Variants in NFIB observed in about 807,000 individuals in gnomAD.
NFIB encodes the protein nuclear factor 1 B-type.
NFIB carries 11 observed loss-of-function variants against 61.5 expected under a neutral mutation model. That is an observed-to-expected ratio of 0.18 (90% CI 0.11 to 0.30). The LOEUF (loss-of-function observed/expected upper bound fraction) is 0.30, where lower values mean the gene tolerates loss of function less well. Among genes scored for constraint, NFIB ranks in the 10% least tolerant of loss-of-function variants. NFIB has a pLI of 1.00. For synonymous variants in NFIB, 260 were observed against 216.5 expected (o/e 1.20, Z -1.76); for missense variants, 471 against 608.9 (o/e 0.77, Z 2.38).
chr9:14,281,319 G>A (rs141263534), intron 2 of NFIB, among the ~76,000 whole-genome samples: 5 of 152,280 alleles, frequency 3.3e-5, no homozygotes, highest in African/African-American at 7.2e-5. Flanking sequence ...TGAGTCTGAA[G>A]AAAGTGAAAG....
intron 10 of NFIB, among the ~76,000 whole-genome samples, chr9:14,105,445 C>T (rs907314469): frequency 6.6e-6 from 1 of 152,060 alleles, no homozygotes; most frequent in African/African-American, 2.4e-5. Flanking sequence ...ACTACCATTA[C>T]AACATTTCTT....
intron 1 of NFIB, among the ~76,000 whole-genome samples, chr9:14,326,584 C>T (rs78380046): frequency 0.02 from 3,094 of 151,786 alleles, 111 homozygotes; most frequent in African/African-American, 0.071. Flanking sequence ...GGCTCATAGC[C>T]TTACCAACCC....
intron 2 of NFIB, among the ~76,000 whole-genome samples, chr9:14,200,231 T>C (rs546979875): frequency 3.9e-5 from 6 of 152,198 alleles, no homozygotes; most frequent in Admixed American, 6.5e-5. Context: ...ATGGTGAAAT[T>C]TGATGAAGAA....
At chr9:14,227,024 C>T (rs945692601) in intron 2 of NFIB, among the ~76,000 whole-genome samples, 9 of 151,584 alleles carry the variant, frequency 5.9e-5, no homozygotes, top group African/African-American at 1.7e-4. Context: ...GTCTGTAATC[C>T]GAGCTACTTG....
the NFIB span, among the ~76,000 whole-genome samples, chr9:14,456,537 A>G: frequency 1.3e-5 from 2 of 152,210 alleles, no homozygotes; most frequent in Non-Finnish European, 2.9e-5. Flanking sequence ...AAATATCAAC[A>G]CATAGTTCAA....
chr9:14,369,477 G>C (rs143063898), intron 1 of NFIB, among the ~76,000 whole-genome samples: 10 of 152,200 alleles, frequency 6.6e-5, no homozygotes, highest in Non-Finnish European at 8.8e-5. Context: ...CCATGTTGTT[G>C]ATGCCTTCTG....
rs2033123898 is a variant in NFIB, at chr9:14,088,005, C to A, written c.*304G>T. 1 of 386,906 alleles carries A rather than the reference C, an allele frequency of 2.6e-6. No homozygotes were observed. Among genetic ancestry groups the A allele is most frequent in the East Asian group, 4.4e-5 (1 of 22,526 alleles). The allele number at this position is 386,906 out of a possible 1,614,324, so 24.0% of individuals were successfully genotyped here. On this transcript the variant is annotated 3_prime_UTR_variant, in exon 11 of 11. Coordinates refer to ENST00000380953, the MANE Select transcript of NFIB (RefSeq NM_001190737.2). Reference sequence around the variant, plus strand: ...TCTACCATCAGTGAAATATCATCGACCCTTTTTATGTCATTACAGTTTCAA... The same window carrying A: ...TCTACCATCAGTGAAATATCATCGAACCTTTTTATGTCATTACAGTTTCAA...
At chr9:14,265,402 C>G (rs531846324) in intron 2 of NFIB, among the ~76,000 whole-genome samples, 38 of 152,226 alleles carry the variant, frequency 2.5e-4, no homozygotes, top group African/African-American at 8.9e-4. Context: ...CCTAATATGA[C>G]AGAACTAGTG....
intron 2 of NFIB, among the ~76,000 whole-genome samples, chr9:14,257,549 G>A (rs571566478): frequency 2.0e-5 from 3 of 152,298 alleles, no homozygotes; most frequent in South Asian, 4.1e-4. Flanking sequence ...TGAGTCGGGA[G>A]TTTGAGACCA....
the NFIB span, among the ~76,000 whole-genome samples, chr9:14,436,439 T>C: frequency 6.6e-6 from 1 of 152,234 alleles, no homozygotes; most frequent in Admixed American, 6.5e-5. Context: ...AGGCTTTCAT[T>C]TGGCATCTGT....
chr9:14,233,160 T>G (rs10961439), intron 2 of NFIB, among the ~76,000 whole-genome samples: 34,644 of 152,128 alleles, frequency 0.23, 5,248 homozygotes, highest in East Asian at 0.7. Flanking sequence ...CTTACAGACA[T>G]GTAGTTTAGC....
At chr9:14,404,949 G>A in the NFIB span, among the ~76,000 whole-genome samples, 2 of 152,158 alleles carry the variant, frequency 1.3e-5, no homozygotes, top group South Asian at 2.1e-4. Context: ...TCCAGTTTAC[G>A]GAAGAGACTC....
intron 2 of NFIB, among the ~76,000 whole-genome samples, chr9:14,206,851 G>A (rs2049792967): frequency 6.6e-6 from 1 of 151,966 alleles, no homozygotes; most frequent in Admixed American, 6.6e-5. Flanking sequence ...ATGTCTTACT[G>A]ACTGCACAAG....
chr9:14,526,772 T>G, the NFIB span, among the ~76,000 whole-genome samples: 1 of 152,308 alleles, frequency 6.6e-6, no homozygotes, highest in South Asian at 2.1e-4. Context: ...GCATCAGATA[T>G]CTCTCTTTGT....
At chr9:14,210,318 C>G (rs930648135) in intron 2 of NFIB, among the ~76,000 whole-genome samples, 1 of 152,056 alleles carries the variant, frequency 6.6e-6, no homozygotes, top group Non-Finnish European at 1.5e-5. Flanking sequence ...TGGTTAAGAT[C>G]TCTACCCTTT....
intron 1 of NFIB, among the ~76,000 whole-genome samples, chr9:14,336,457 G>A (rs539801097): frequency 8.1e-4 from 123 of 152,338 alleles, no homozygotes; most frequent in African/African-American, 2.8e-3. Flanking sequence ...GGAAACCCAG[G>A]TGGAAGGTGG....
the NFIB span, among the ~76,000 whole-genome samples, chr9:14,509,720 G>T: frequency 6.6e-6 from 1 of 152,156 alleles, no homozygotes; most frequent in South Asian, 2.1e-4. Flanking sequence ...TGAAGCACCA[G>T]GACAAAATGG....
chr9:14,518,507 G>C, the NFIB span, among the ~76,000 whole-genome samples: 1 of 151,824 alleles, frequency 6.6e-6, no homozygotes, highest in Non-Finnish European at 1.5e-5. Context: ...CCAGTGGTGA[G>C]ATTGTGGATA....
the NFIB span, among the ~76,000 whole-genome samples, chr9:14,503,078 G>T: frequency 6.7e-6 from 1 of 148,554 alleles, no homozygotes; most frequent in East Asian, 1.9e-4. Context: ...TGGCTGAGTA[G>T]TATTTTATGG....
Sources: gnomAD v4.1 joint callset for allele counts (sites outside exome capture counted in the v4.1 genomes callset) on GRCh38, gnomAD v4.1.1 for gene constraint, MANE v1.5 for transcripts, NCBI Gene and HGNC (gene_info 2026-07-23, HGNC 2026-07-21) for gene names.